Variants in FHIP1A observed in about 807,000 individuals in gnomAD.
FHIP1A encodes FHF complex subunit HOOK interacting protein 1A.
Under a neutral mutation model 88.6 loss-of-function variants are expected in FHIP1A, and 61 were observed. The ratio of observed to expected loss-of-function variants is 0.69; its 90% CI spans 0.56 to 0.85. The LOEUF is 0.85. Ranked by LOEUF, FHIP1A falls within the 40% of genes least tolerant of loss-of-function variation. The pLI, the probability that FHIP1A is intolerant of heterozygous loss-of-function variation, is 0.00. For synonymous variants in FHIP1A, 478 were observed against 496.0 expected, an observed-to-expected ratio of 0.96 and a Z score of 0.48; for missense variants, 1,154 against 1,273.5, an observed-to-expected ratio of 0.91 and a Z score of 1.43.
chr4:151,652,755 G>C (rs1737076762), intron 11 of FHIP1A, among the ~76,000 whole-genome samples: 1 of 152,236 alleles, frequency 6.6e-6, no homozygotes, highest in African/African-American at 2.4e-5. Context: ...TGATAGTCCA[G>C]GCAGAGGAGA....
In FHIP1A at chr4:151,542,984, A is replaced by G. The variant is rs1170519861; in HGVS notation, c.-122-23154A>G. The stretch of plus-strand genomic sequence containing the variant: ...TAAGAATTTAGCAAAAGGGTGAACT[A>G]CTATTGTTATTATGTTGCCTAAAAT... On this transcript the variant is annotated intron_variant, in intron 3 of 13. Coordinates refer to ENST00000435205, the MANE Select transcript of FHIP1A (RefSeq NM_001109977.3). 3.3e-5 allele frequency among the ~76,000 whole-genome samples: 5 copies of G among 152,344 alleles called. No individual in the cohort carries two copies. The South Asian group carries it at 8.3e-4, about 25-fold the overall frequency.
intron 7 of FHIP1A, among the ~76,000 whole-genome samples, chr4:151,591,635 G>C (rs1734432760): frequency 6.6e-6 from 1 of 152,102 alleles, no homozygotes; most frequent in Non-Finnish European, 1.5e-5. Context: ...CCCGGTGTGT[G>C]ATGTTCCCCT....
chr4:151,619,884 C>A (rs1476122119), intron 7 of FHIP1A, among the ~76,000 whole-genome samples: 1 of 152,130 alleles, frequency 6.6e-6, no homozygotes, highest in African/African-American at 2.4e-5. Flanking sequence ...TTTAATGATC[C>A]TTTCATATTC....
intron 3 of FHIP1A, among the ~76,000 whole-genome samples, chr4:151,518,187 T>G (rs954217067): frequency 3.9e-5 from 6 of 152,190 alleles, no homozygotes; most frequent in Non-Finnish European, 7.3e-5. Flanking sequence ...TTTCATACTG[T>G]GTTTGTACCT....
At chr4:151,660,914 G>C (rs550301120) in intron 13 of FHIP1A, among the ~76,000 whole-genome samples, 1 of 152,302 alleles carries the variant, frequency 6.6e-6, no homozygotes, top group Admixed American at 6.5e-5. Flanking sequence ...AATAGCTTTT[G>C]GCAGGTGAGG....
intron 7 of FHIP1A, among the ~76,000 whole-genome samples, chr4:151,612,811 A>G (rs778700163): frequency 7.2e-5 from 11 of 152,190 alleles, no homozygotes; most frequent in Non-Finnish European, 1.3e-4. Flanking sequence ...TAAAAAGAAG[A>G]AAGGAACAAT....
At chr4:151,596,051 A>G (rs1734634982) in intron 7 of FHIP1A, among the ~76,000 whole-genome samples, 1 of 152,154 alleles carries the variant, frequency 6.6e-6, no homozygotes, top group African/African-American at 2.4e-5. Context: ...TTATGTGTGA[A>G]TTTGATCCTG....
intron 3 of FHIP1A, among the ~76,000 whole-genome samples, chr4:151,554,715 G>T (rs1732879002): frequency 6.6e-6 from 1 of 152,188 alleles, no homozygotes; most frequent in African/African-American, 2.4e-5. Context: ...GGGATGGACA[G>T]AGTGCTCCCT....
chr4:151,509,741 A>G (rs1352894429), intron 3 of FHIP1A, among the ~76,000 whole-genome samples: 1 of 149,528 alleles, frequency 6.7e-6, no homozygotes, highest in Non-Finnish European at 1.5e-5. Context: ...AAGTACGTTA[A>G]AAATACTGTC....
At chr4:151,539,810 A>G (rs1486593034) in intron 3 of FHIP1A, among the ~76,000 whole-genome samples, 1 of 152,232 alleles carries the variant, frequency 6.6e-6, no homozygotes, top group African/African-American at 2.4e-5. Context: ...AAGTATACTG[A>G]TGAAATATGT....
chr4:151,634,258 A>G (rs1257588994), intron 8 of FHIP1A, among the ~76,000 whole-genome samples: 1 of 151,844 alleles, frequency 6.6e-6, no homozygotes, highest in Non-Finnish European at 1.5e-5. Flanking sequence ...ATTGAAAGAA[A>G]TGAAAGAAGA....
chr4:151,515,211 TTA>T (rs1289247392), intron 3 of FHIP1A, among the ~76,000 whole-genome samples: 2 of 150,976 alleles, frequency 1.3e-5, no homozygotes, highest in Admixed American at 6.6e-5. Context: ...AACCACATGA[TTA>T]TCTCAATAGA....
chr4:151,425,299 C>T (rs537975261), intron 1 of FHIP1A, among the ~76,000 whole-genome samples: 7 of 152,136 alleles, frequency 4.6e-5, no homozygotes, highest in African/African-American at 1.4e-4. Flanking sequence ...TTCTACAGGA[C>T]AGATTACTCA....
chr4:151,471,151 C>A (rs1729495812), intron 2 of FHIP1A, among the ~76,000 whole-genome samples: 2 of 152,100 alleles, frequency 1.3e-5, no homozygotes, highest in Admixed American at 1.3e-4. Flanking sequence ...GTCCTCCAAC[C>A]TGTGTGGTGG....
rs1006047991 is a variant in FHIP1A at position 151,566,330 on chromosome 4, C to T, written c.71C>T (p.Thr24Ile). ...AGCCTACAGGGAGTTGACCCAGAAA[C>T]ATGCATGATTGTATTTAAAAACCAC... ...AVSLQGVDPE[T>I]CMIVFKNHWA... Residue 24 changes from threonine to isoleucine, a missense_variant, in exon 4 of 14, where the codon ACA becomes ATA. Thr to Ile is a moderately conservative substitution (Grantham distance 89). Coordinates refer to ENST00000435205, the MANE Select transcript of FHIP1A (RefSeq NM_001109977.3). The T allele has an allele frequency of 1.9e-6, 3 of 1,550,606 alleles. No individual in the cohort carries two copies. The highest frequency in any genetic ancestry group is 2.6e-6 in the Non-Finnish European group (3 of 1,146,174).
intron 3 of FHIP1A, among the ~76,000 whole-genome samples, chr4:151,558,424 T>C (rs1733038541): frequency 6.6e-6 from 1 of 151,966 alleles, no homozygotes; most frequent in African/African-American, 2.4e-5. Flanking sequence ...TATTCCCAGC[T>C]ACTCGGAGGC....
At chr4:151,572,818 A>G (rs1733645839) in intron 4 of FHIP1A, among the ~76,000 whole-genome samples, 2 of 152,264 alleles carry the variant, frequency 1.3e-5, no homozygotes, top group Admixed American at 6.5e-5. Flanking sequence ...TATGTAAGAC[A>G]TAGAATAATA....
At chr4:151,628,215 C>G (rs1736025867) in intron 7 of FHIP1A, among the ~76,000 whole-genome samples, 1 of 152,126 alleles carries the variant, frequency 6.6e-6, no homozygotes, top group Non-Finnish European at 1.5e-5. Context: ...ATGATATGTA[C>G]TCAGACCACT....
intron 3 of FHIP1A, among the ~76,000 whole-genome samples, chr4:151,539,823 G>C (rs965779700): frequency 6.6e-6 from 1 of 152,188 alleles, no homozygotes; most frequent in Admixed American, 6.5e-5. Flanking sequence ...AAATATGTGT[G>C]TGAAAAGGAA....
Sources: gnomAD v4.1 joint callset for allele counts (sites outside exome capture counted in the v4.1 genomes callset) on GRCh38, gnomAD v4.1.1 for gene constraint, MANE v1.5 for transcripts, NCBI Gene and HGNC (gene_info 2026-07-23, HGNC 2026-07-21) for gene names.